The following SI variants were observed in gnomAD, a reference collection of about 807,000 sequenced individuals.
The protein encoded by SI is sucrase-isomaltase, intestinal.
In SI, 235 loss-of-function variants were observed where a neutral mutation model predicts 253.3. That is an observed-to-expected ratio of 0.93 (90% CI 0.83 to 1.03). The LOEUF is 1.03. Among genes scored for constraint, SI ranks in the 50% least tolerant of loss-of-function variants. The pLI, the probability that SI is intolerant of heterozygous loss-of-function variation, is 0.00. For missense variants in SI, 2,442 were observed against 2,211.1 expected (o/e 1.10, Z -2.09); for synonymous variants, 819 against 712.0 (o/e 1.15, Z -2.39).
intron 9 of SI, among the ~76,000 whole-genome samples, chr3:165,060,339 T>C (rs1299571655): frequency 6.6e-6 from 1 of 151,904 alleles, no homozygotes; most frequent in Non-Finnish European, 1.5e-5. Context: ...TTAAATAAGA[T>C]AATACAAGAA....
chr3:164,989,389 G>GAAGAAAGAAAGA (rs1184335609), intron 44 of SI, among the ~76,000 whole-genome samples: 1,024 of 59,440 alleles, frequency 0.017, 8 homozygotes, highest in Admixed American at 0.054. Context: ...AGAAAGAAAG[G>GAAGAAAGAAAGA]AAGAAAGAAA....
chr3:165,034,583 C>G (rs1371880553), intron 22 of SI, among the ~76,000 whole-genome samples: 1 of 151,946 alleles, frequency 6.6e-6, no homozygotes, highest in Non-Finnish European at 1.5e-5. Context: ...GGAGAGCTCA[C>G]CCTAGTGTGC....
intron 33 of SI, among the ~76,000 whole-genome samples, chr3:165,013,926 T>C (rs1417531872): frequency 6.6e-6 from 1 of 151,924 alleles, no homozygotes; most frequent in African/African-American, 2.4e-5. Flanking sequence ...AAAATCTCCC[T>C]ATGTTGCCCA....
At chr3:165,088,161 C>A in the SI span, among the ~76,000 whole-genome samples, 1 of 150,756 alleles carries the variant, frequency 6.6e-6, no homozygotes, top group Non-Finnish European at 1.5e-5. Context: ...CCCTGGAGAA[C>A]ATGGCAAAAC....
At chr3:165,060,983 G>A (rs1228036105) in intron 9 of SI, among the ~76,000 whole-genome samples, 2 of 150,790 alleles carry the variant, frequency 1.3e-5, no homozygotes, top group Non-Finnish European at 3.0e-5. Context: ...CTATTCAAAT[G>A]AAATACTAAA....
chr3:165,017,262 T>C, intron 31 of SI, among the ~76,000 whole-genome samples: 1 of 151,984 alleles, frequency 6.6e-6, no homozygotes, highest in East Asian at 1.9e-4. Flanking sequence ...TGACTGCCTG[T>C]ACAACCCAGA....
chr3:165,054,513 C>G (rs1713589949), intron 13 of SI, among the ~76,000 whole-genome samples: 1 of 152,058 alleles, frequency 6.6e-6, no homozygotes, highest in South Asian at 2.1e-4. Context: ...TGCCACCAAG[C>G]CCAACTAATT....
chr3:165,063,374 A>G (rs1414297947), intron 8 of SI, 68 bp downstream of exon 8: 7 of 757,630 alleles, frequency 9.2e-6, no homozygotes, highest in Non-Finnish European at 1.2e-5. Flanking sequence ...GAATGATTGA[A>G]ATAAAGAGAG....
rs752951766 is a variant in SI at position 165,039,079 on chromosome 3, G to A, written c.2300C>T (p.Ser767Phe). ...IPDAIWYDYE[S>F]GAKRPWRKQR... ...CATTAGTATGTTAAGGTTACTTACA[G>A]ATTCATAATCATACCAAATAGCATC... The change falls in exon 20 of 48, where the codon TCT becomes TTT. Residue 767 changes from serine (S) to phenylalanine (F), a missense_variant and splice_region_variant. Transcript: ENST00000264382. The A allele has an allele frequency of 6.3e-6, 10 of 1,578,488 alleles. No individual in the cohort carries two copies. The highest frequency in any genetic ancestry group is 1.7e-5 in the Admixed American group (1 of 59,754).
At chr3:165,081,562 A>G (rs1192115803), upstream of SI, among the ~76,000 whole-genome samples, 6 of 152,174 alleles carry the variant, frequency 3.9e-5, no homozygotes, top group East Asian at 1.2e-3. Context: ...CTAGTTTTAT[A>G]TGTTACTTGC....
intron 27 of SI, among the ~76,000 whole-genome samples, chr3:165,020,722 G>C (rs1437009436): frequency 1.3e-5 from 2 of 151,184 alleles, no homozygotes; most frequent in Non-Finnish European, 3.0e-5. Flanking sequence ...TAGATCTTTT[G>C]AATAAAATAA....
upstream of SI, among the ~76,000 whole-genome samples, chr3:165,080,653 C>CA (rs1371492959): frequency 2.6e-5 from 4 of 151,704 alleles, no homozygotes; most frequent in African/African-American, 9.7e-5. Flanking sequence ...ATCGCAAGGA[C>CA]AAAAAACCAA....
chr3:165,043,241 T>C (rs1692290844), intron 16 of SI, 66 bp from the exon 17 acceptor site: 2 of 1,038,160 alleles, frequency 1.9e-6, no homozygotes, highest in Non-Finnish European at 3.0e-6. Flanking sequence ...AGCATCACAC[T>C]GTATGCCTCA....
At chr3:165,074,454 C>T (rs946853246) in intron 3 of SI, 77 bp downstream of exon 3, 8 of 876,402 alleles carry the variant, frequency 9.1e-6, no homozygotes, top group African/African-American at 7.0e-5. Flanking sequence ...TAAATAAGAT[C>T]GATCCAATAT....
intron 13 of SI, among the ~76,000 whole-genome samples, chr3:165,051,166 A>G (rs1713409840): frequency 6.6e-6 from 1 of 152,068 alleles, no homozygotes; most frequent in Admixed American, 6.6e-5. Context: ...TGACCCAAGC[A>G]CACTCAATAT....
chr3:165,066,977 C>A (rs1714278032), intron 6 of SI, among the ~76,000 whole-genome samples: 1 of 151,632 alleles, frequency 6.6e-6, no homozygotes. Flanking sequence ...GGAAATAACT[C>A]CTCTTTGGTC....
In SI at chr3:165,017,862, G is replaced by A. The variant is rs898055093; in HGVS notation, c.3532C>T (p.Gln1178Ter). The change falls in exon 30 of 48, where the codon CAG (glutamine) becomes TAG (stop). Residue 1178 changes from glutamine to a stop codon, truncating the protein, a stop_gained. Coordinates refer to ENST00000264382, the MANE Select transcript of SI (RefSeq NM_001041.4). LOFTEE classifies it high-confidence loss of function. ...CGGTAAGTTAGAGCAGGAGTTGGCT[G>A]GAATGTAACATCTGGAAATCCAAAA... ...LNSNAMDVTF[Q>*]PTPALTYRTV... is the part of the protein sequence containing the mutation. The A allele has an allele frequency of 4.3e-6, 7 of 1,611,902 alleles. No individual in the cohort carries two copies. Among genetic ancestry groups the A allele is most frequent in the Non-Finnish European group, 5.9e-6 (7 of 1,178,536 alleles).
intron 9 of SI, among the ~76,000 whole-genome samples, chr3:165,060,867 A>C (rs1042708283): frequency 6.8e-6 from 1 of 146,406 alleles, no homozygotes; most frequent in Non-Finnish European, 1.5e-5. Context: ...TATTAAAAAA[A>C]AATATATATA....
intron 28 of SI, among the ~76,000 whole-genome samples, chr3:165,019,337 T>G (rs1261009102): frequency 6.6e-6 from 1 of 151,950 alleles, no homozygotes; most frequent in African/African-American, 2.4e-5. Flanking sequence ...TTTGTATGCA[T>G]TTGAAACAGT....
Sources: allele counts gnomAD v4.1 joint callset (sites outside exome capture counted in the v4.1 genomes callset), GRCh38; gene constraint gnomAD v4.1.1; transcripts MANE v1.5; gene names NCBI Gene and HGNC (gene_info 2026-07-23, HGNC 2026-07-21).